The following CSMD1 variants were observed in gnomAD, a reference collection of about 807,000 sequenced individuals.
CSMD1 encodes CUB and Sushi multiple domains 1.
In CSMD1, 213 loss-of-function variants were observed where a neutral mutation model predicts 417.5. The observed-to-expected ratio is 0.51, with a 90% CI of 0.46 to 0.57. The LOEUF (loss-of-function observed/expected upper bound fraction) is 0.57. CSMD1 is among the 20% of genes least tolerant of loss of function. CSMD1 has a pLI of 0.00. For synonymous variants in CSMD1, 2,862 were observed against 1,736.8 expected, an observed-to-expected ratio of 1.65 and a Z score of -16.11; for missense variants, 6,923 against 4,529.7, an observed-to-expected ratio of 1.53 and a Z score of -15.17.
chr8:3,431,351 T>A (rs1416781389), intron 12 of CSMD1, among the ~76,000 whole-genome samples: 1 of 152,100 alleles, frequency 6.6e-6, no homozygotes, highest in Non-Finnish European at 1.5e-5. Context: ...ACTTGGAGAG[T>A]GAAAATTTTC....
chr8:2,994,260 C>T (rs1328193044), intron 54 of CSMD1, among the ~76,000 whole-genome samples: 2 of 151,750 alleles, frequency 1.3e-5, no homozygotes, highest in South Asian at 2.1e-4. Flanking sequence ...TAGTTGACCT[C>T]GTGTGTACTG....
chr8:3,695,663 A>G (rs145371687), intron 7 of CSMD1, among the ~76,000 whole-genome samples: 102 of 152,360 alleles, frequency 6.7e-4, no homozygotes, highest in African/African-American at 2.4e-3. Context: ...TATATTAAAA[A>G]TAATGATTAG....
intron 5 of CSMD1, among the ~76,000 whole-genome samples, chr8:3,814,088 G>A (rs572072844): frequency 3.9e-5 from 6 of 152,274 alleles, no homozygotes; most frequent in Non-Finnish European, 7.4e-5. Flanking sequence ...ATTCCCTGAA[G>A]GAAGAGCTTG....
intron 1 of CSMD1, among the ~76,000 whole-genome samples, chr8:4,883,216 G>A (rs549594521): frequency 7.9e-4 from 120 of 152,038 alleles, no homozygotes; most frequent in Non-Finnish European, 9.4e-4. Context: ...GTCTACCAGA[G>A]CAACATGGTT....
At chr8:4,374,247 A>C (rs1802576639) in intron 3 of CSMD1, among the ~76,000 whole-genome samples, 1 of 152,126 alleles carries the variant, frequency 6.6e-6, no homozygotes, top group Admixed American at 6.6e-5. Context: ...CACCATCACT[A>C]ACGTGTGAGT....
At chr8:3,810,099 G>A (rs1242483392) in intron 5 of CSMD1, among the ~76,000 whole-genome samples, 3 of 152,098 alleles carry the variant, frequency 2.0e-5, no homozygotes, top group Non-Finnish European at 2.9e-5. Context: ...TGTTTATTCA[G>A]CTGTCTTTCT....
Position 3,620,472 on chromosome 8 carries a change from G to A in CSMD1, c.1010-3675C>T, listed in dbSNP as rs146432301. Among the ~76,000 whole-genome samples the A allele has an allele frequency of 4.8e-3, 724 of 152,104 alleles. 4 individuals are homozygous for A. Among genetic ancestry groups the A allele is most frequent in the Non-Finnish European group, 7.7e-3 (527 of 68,000 alleles). ...ATGCATAAAATAATTATGCATTTAC[G>A]CTAATAGTTACATTATATATAAAGA... On this transcript the variant is annotated intron_variant, in intron 7 of 69. Transcript: ENST00000635120.
intron 7 of CSMD1, among the ~76,000 whole-genome samples, chr8:3,701,562 CTAGTG>C (rs1367229257): frequency 6.6e-6 from 1 of 151,838 alleles, no homozygotes; most frequent in Non-Finnish European, 1.5e-5. Flanking sequence ...AGATTACCCA[CTAGTG>C]TATTTTATTT....
chr8:4,093,673 C>A (rs756775806), intron 3 of CSMD1, among the ~76,000 whole-genome samples: 1 of 152,034 alleles, frequency 6.6e-6, no homozygotes, highest in African/African-American at 2.4e-5. Context: ...AGGAAAGCAA[C>A]AGAACGGCCG....
rs975358732 is a variant in CSMD1 at position 3,565,534 on chromosome 8, G to T, written c.1344+9411C>A. Among the ~76,000 whole-genome samples, 9 of 152,178 alleles carry T rather than the reference G, an allele frequency of 5.9e-5. No homozygotes were observed. The South Asian group carries it at 6.2e-4, about 11-fold the overall frequency. ...TCTTAAACCAATATATACAACATAGGTTTCTATGTTAACCTTTTAATACTT... is the reference window on the plus strand; with the variant it reads ...TCTTAAACCAATATATACAACATAGTTTTCTATGTTAACCTTTTAATACTT... On this transcript the variant is annotated intron_variant, in intron 10 of 69. Transcript: ENST00000635120.
rs142181997 is a variant in CSMD1 at position 3,167,025 on chromosome 8, G to T, written c.5726-4748C>A. 5.7e-3 allele frequency among the ~76,000 whole-genome samples: 870 copies of T among 152,148 alleles called. 4 individuals carry two copies. Among genetic ancestry groups the T allele is most frequent in the South Asian group, 0.018 (88 of 4,808 alleles). On this transcript the variant is annotated intron_variant, in intron 37 of 69. Coordinates refer to ENST00000635120, the MANE Select transcript of CSMD1 (RefSeq NM_033225.6). Reference sequence around the variant, plus strand: ...CACAGGGCGGGGCACAGTGGCTCACGCCTGTCATCCCAGCACTTTGGGAGG... The same window carrying T: ...CACAGGGCGGGGCACAGTGGCTCACTCCTGTCATCCCAGCACTTTGGGAGG...
At chr8:3,591,092 C>T (rs995587780) in intron 8 of CSMD1, among the ~76,000 whole-genome samples, 7 of 152,166 alleles carry the variant, frequency 4.6e-5, no homozygotes, top group Admixed American at 2.6e-4. Context: ...AGATTAATTA[C>T]GTTGCACAAC....
intron 3 of CSMD1, among the ~76,000 whole-genome samples, chr8:4,390,380 A>G (rs1364424309): frequency 6.6e-6 from 1 of 152,202 alleles, no homozygotes; most frequent in African/African-American, 2.4e-5. Context: ...GGAGATCTAA[A>G]ATGTTGTCAA....
chr8:3,006,229 C>A (rs1406675421), intron 52 of CSMD1, among the ~76,000 whole-genome samples: 1 of 151,558 alleles, frequency 6.6e-6, no homozygotes, highest in Non-Finnish European at 1.5e-5. Flanking sequence ...TGTGAAGGAC[C>A]TCTTCAAGGA....
In CSMD1 at chr8:4,589,100, C is replaced by T. The variant is rs564538081; in HGVS notation, c.302+48242G>A. On this transcript the variant is annotated intron_variant, in intron 2 of 69. Transcript: ENST00000635120. ...AAAAAATATGTTGTCCTTAGACTAT[C>T]TTTAATTTGTAAATGTTTCAAAAAG... Among the ~76,000 whole-genome samples, 7 of 152,032 alleles carry T rather than the reference C, an allele frequency of 4.6e-5. No individual in the cohort carries two copies. In the East Asian group the frequency reaches 1.4e-3, roughly 29 times the overall value.
intron 1 of CSMD1, among the ~76,000 whole-genome samples, chr8:4,775,044 A>T (rs2117163424): frequency 6.6e-6 from 1 of 152,294 alleles, no homozygotes; most frequent in East Asian, 1.9e-4. Context: ...AACAATAGGA[A>T]ATCAAGATAT....
chr8:3,302,108 T>C lies in CSMD1; in HGVS notation c.3950+5587A>G, dbSNP rs193107770. On this transcript the variant is annotated intron_variant, in intron 25 of 69. Transcript: ENST00000635120. The stretch of plus-strand genomic sequence containing the variant: ...CTGAAGACTAAAGTCTCCCGCCCCT[T>C]GGAGGGAGACAGTAACACAAATAGG... Among the ~76,000 whole-genome samples the C allele has an allele frequency of 1.2e-3, 183 of 152,110 alleles. 1 individual carries two copies. The highest frequency in any genetic ancestry group is 4.3e-3 in the African/African-American group (177 of 41,498).
At chr8:3,648,035 C>A (rs112523804) in intron 7 of CSMD1, among the ~76,000 whole-genome samples, 30 of 152,336 alleles carry the variant, frequency 2.0e-4, no homozygotes, top group African/African-American at 7.2e-4. Context: ...AATCAATGAA[C>A]CAGATCTACC....
At chr8:3,652,601 CA>C (rs1409833191) in intron 7 of CSMD1, among the ~76,000 whole-genome samples, 2 of 152,142 alleles carry the variant, frequency 1.3e-5, no homozygotes, top group African/African-American at 4.8e-5. Context: ...CGGTGACAGG[CA>C]AAAGAGCTCG....
Sources: gnomAD v4.1 joint callset for allele counts (sites outside exome capture counted in the v4.1 genomes callset) on GRCh38, gnomAD v4.1.1 for gene constraint, MANE v1.5 for transcripts, NCBI Gene and HGNC (gene_info 2026-07-23, HGNC 2026-07-21) for gene names.